The following CHRM3 variants were observed in gnomAD, a reference collection of about 807,000 sequenced individuals.
The protein encoded by CHRM3 is muscarinic acetylcholine receptor M3.
CHRM3 carries 11 observed loss-of-function variants against 41.8 expected under a neutral mutation model. The observed-to-expected ratio is 0.26, with a 90% confidence interval of 0.17 to 0.44. The LOEUF (loss-of-function observed/expected upper bound fraction) is 0.44, where lower values mean the gene tolerates loss of function less well. Ranked by LOEUF, CHRM3 falls within the 20% of genes least tolerant of loss-of-function variation. CHRM3 has a pLI of 1.00. For missense variants in CHRM3, 571 were observed against 745.4 expected (o/e 0.77, Z 2.72); for synonymous variants, 297 against 301.4 (o/e 0.99, Z 0.15).
chr1:239,510,083 C>T (rs1668822827), intron 2 of CHRM3, among the ~76,000 whole-genome samples: 1 of 152,122 alleles, frequency 6.6e-6, no homozygotes, highest in African/African-American at 2.4e-5. Flanking sequence ...AAGACTCCGT[C>T]ACAAACAAAC....
intron 5 of CHRM3, among the ~76,000 whole-genome samples, chr1:239,813,916 C>CAAAAAAAAAAA (rs67147618): frequency 5.8e-5 from 6 of 103,220 alleles, no homozygotes; most frequent in African/African-American, 1.5e-4. Context: ...GACTCCGTCT[C>CAAAAAAAAAAA]AAAAAAAAAA....
chr1:239,633,012 A>G (rs1006939091), intron 4 of CHRM3, among the ~76,000 whole-genome samples: 3 of 152,204 alleles, frequency 2.0e-5, no homozygotes, highest in Non-Finnish European at 2.9e-5. Context: ...TCGCTCTGTC[A>G]CCCAGGCTGG....
chr1:239,874,326 T>TATATATATATATATATATATAC lies in CHRM3; in HGVS notation c.-19-33106_-19-33105insTATATATATATATATATATACA, dbSNP rs1327295792. Among the ~76,000 whole-genome samples, 5 of 121,988 alleles carry TATATATATATATATATATATAC rather than the reference T, an allele frequency of 4.1e-5. No individual in the cohort carries two copies. The East Asian group carries it at 7.4e-4, about 18-fold the overall frequency. The allele number at this position is 121,988 out of a possible 152,430, so 80.0% of individuals were successfully genotyped here. A position where few individuals can be genotyped will look rare whatever the true frequency, so the allele number is the denominator to read the frequency against. On this transcript the variant is annotated intron_variant, in intron 6 of 6. Transcript: ENST00000676153. ...ATATATATATATATATATATATATA[T>TATATATATATATATATATATAC]ACACAGTTGACCCTCGAACAACACA...
intron 6 of CHRM3, among the ~76,000 whole-genome samples, chr1:239,873,948 C>T (rs1676814298): frequency 6.6e-6 from 1 of 152,142 alleles, no homozygotes; most frequent in African/African-American, 2.4e-5. Context: ...GAACTCTTCA[C>T]TCATGAGGAC....
In CHRM3 at chr1:239,776,667, T is replaced by C. The variant is rs187356833; in HGVS notation, c.-146-50585T>C. On this transcript the variant is annotated intron_variant, in intron 5 of 6. Coordinates refer to ENST00000676153, the MANE Select transcript of CHRM3 (RefSeq NM_001375978.1). ...CACCATATAGTGGAATATAATATAC[T>C]TGTATTAGTCCATTCTCATGCTGCT... 3.9e-5 allele frequency among the ~76,000 whole-genome samples: 6 copies of C among 152,274 alleles called. No homozygotes were observed. In the East Asian group the frequency reaches 9.6e-4, roughly 24 times the overall value.
chr1:239,785,946 G>T (rs2148827782), intron 5 of CHRM3, among the ~76,000 whole-genome samples: 1 of 152,242 alleles, frequency 6.6e-6, no homozygotes, highest in Admixed American at 6.5e-5. Flanking sequence ...CTCTGTGTGT[G>T]TATATGTGTA....
chr1:239,667,143 G>T (rs893292853), intron 4 of CHRM3, among the ~76,000 whole-genome samples: 1 of 151,842 alleles, frequency 6.6e-6, no homozygotes, highest in African/African-American at 2.4e-5. Context: ...TTTGTATCAC[G>T]AATTGCTTAT....
At chr1:239,540,341 G>A (rs1351765660) in intron 2 of CHRM3, among the ~76,000 whole-genome samples, 2 of 152,174 alleles carry the variant, frequency 1.3e-5, no homozygotes, top group Non-Finnish European at 2.9e-5. Flanking sequence ...TATTTTAAGT[G>A]AAGTAAGTGG....
chr1:239,711,418 A>AC (rs745782798), intron 5 of CHRM3, among the ~76,000 whole-genome samples: 7 of 151,898 alleles, frequency 4.6e-5, no homozygotes, highest in Admixed American at 6.6e-5. Flanking sequence ...GGCCACCCAG[A>AC]CCCCCCATTC....
At chr1:239,528,592 C>G (rs979985909) in intron 2 of CHRM3, among the ~76,000 whole-genome samples, 1 of 152,150 alleles carries the variant, frequency 6.6e-6, no homozygotes, top group East Asian at 1.9e-4. Context: ...AATAAAAGGG[C>G]ATTAATTTAA....
At chr1:239,631,064 G>A (rs726168) in intron 3 of CHRM3, among the ~76,000 whole-genome samples, 16,037 of 152,102 alleles carry the variant, frequency 0.11, 1,067 homozygotes, top group African/African-American at 0.18. Flanking sequence ...AGAGGAAGAA[G>A]GGATATCAGG....
rs77890683 is a variant in CHRM3 at position 239,396,983 on chromosome 1, A to T, written c.-521+9756A>T. On this transcript the variant is annotated intron_variant, in intron 1 of 6. Coordinates refer to ENST00000676153, the MANE Select transcript of CHRM3 (RefSeq NM_001375978.1). Reference sequence around the variant, plus strand: ...CAATGTAGAAATATGTTTGCTTTGAATTTCTGATCACTTAAATATGCCTTT... The same window carrying T: ...CAATGTAGAAATATGTTTGCTTTGATTTTCTGATCACTTAAATATGCCTTT... Among the ~76,000 whole-genome samples the T allele has an allele frequency of 9.4e-3, 1,431 of 152,262 alleles. 30 individuals are homozygous for T. The highest frequency in any genetic ancestry group is 0.09 in the East Asian group (464 of 5,154).
intron 4 of CHRM3, among the ~76,000 whole-genome samples, chr1:239,641,779 T>G: frequency 9.6e-6 from 1 of 103,856 alleles, no homozygotes; most frequent in African/African-American, 3.6e-5. Context: ...AAAGTTAATA[T>G]TGTTATGTGT....
chr1:239,648,370 A>G (rs1488348106), intron 4 of CHRM3, among the ~76,000 whole-genome samples: 1 of 152,178 alleles, frequency 6.6e-6, no homozygotes, highest in Non-Finnish European at 1.5e-5. Context: ...TTGTGCACAC[A>G]TCTTTATCTG....
At chr1:239,500,684 A>T (rs2148129619) in intron 2 of CHRM3, among the ~76,000 whole-genome samples, 1 of 151,796 alleles carries the variant, frequency 6.6e-6, no homozygotes, top group South Asian at 2.1e-4. Flanking sequence ...TAAAACAAAA[A>T]TACATGTTAA....
intron 6 of CHRM3, among the ~76,000 whole-genome samples, chr1:239,833,404 G>A (rs1040693122): frequency 6.6e-6 from 1 of 152,286 alleles, no homozygotes; most frequent in East Asian, 1.9e-4. Flanking sequence ...AGAAGAACCA[G>A]GGGAGAGGAG....
chr1:239,821,592 G>A (rs1477383689), intron 5 of CHRM3, among the ~76,000 whole-genome samples: 1 of 152,202 alleles, frequency 6.6e-6, no homozygotes, highest in Non-Finnish European at 1.5e-5. Flanking sequence ...ACTAGGATGA[G>A]AAATGAACCC....
intron 1 of CHRM3, among the ~76,000 whole-genome samples, chr1:239,468,751 T>C (rs1665906733): frequency 6.6e-6 from 1 of 152,210 alleles, no homozygotes; most frequent in African/African-American, 2.4e-5. Flanking sequence ...TGACTTTATA[T>C]CTTTTTATGT....
intron 2 of CHRM3, among the ~76,000 whole-genome samples, chr1:239,521,836 C>T (rs986158738): frequency 6.6e-6 from 1 of 152,004 alleles, no homozygotes; most frequent in Non-Finnish European, 1.5e-5. Context: ...ATTTAAATGG[C>T]CGTTACATTG....
Sources: gnomAD v4.1 joint callset for allele counts (sites outside exome capture counted in the v4.1 genomes callset) on GRCh38, gnomAD v4.1.1 for gene constraint, MANE v1.5 for transcripts, NCBI Gene and HGNC (gene_info 2026-07-23, HGNC 2026-07-21) for gene names.